The following CCDC179 variants were observed in gnomAD, a reference collection of about 807,000 sequenced individuals.
CCDC179 encodes the protein coiled-coil domain containing 179, also known as coiled-coil domain-containing protein 179.
In CCDC179, 17 loss-of-function variants were observed where a neutral mutation model predicts 12.0. The ratio of observed to expected loss-of-function variants is 1.42; its 90% CI spans 0.97 to 2.13. The LOEUF is 2.13. Ranked by LOEUF, CCDC179 falls within the 30% of genes most tolerant of loss-of-function variation. The pLI, the probability that CCDC179 is intolerant of heterozygous loss-of-function variation, is 0.00. For missense variants in CCDC179, 83 were observed against 78.6 expected, an observed-to-expected ratio of 1.06 and a Z score of -0.21; for synonymous variants, 27 against 26.4, an observed-to-expected ratio of 1.02 and a Z score of -0.07.
intron 3 of CCDC179, among the ~76,000 whole-genome samples, chr11:22,853,351 T>C (rs1858456502): frequency 6.6e-6 from 1 of 152,128 alleles, no homozygotes; most frequent in Admixed American, 6.5e-5. Context: ...ATGACAAATA[T>C]GCTAAGTTCT....
chr11:22,850,304 G>A (rs1234863880), intron 3 of CCDC179, among the ~76,000 whole-genome samples: 1 of 152,148 alleles, frequency 6.6e-6, no homozygotes, highest in African/African-American at 2.4e-5. Context: ...CTTACTATCT[G>A]CCTAAGTAAT....
At chr11:22,853,524 T>C (rs1858461272) in intron 3 of CCDC179, among the ~76,000 whole-genome samples, 1 of 151,882 alleles carries the variant, frequency 6.6e-6, no homozygotes, top group African/African-American at 2.4e-5. Context: ...GGAAAAAAAC[T>C]AATTAGCTTA....
In CCDC179 at chr11:22,847,482, G is replaced by T; in HGVS notation, c.*28C>A. 1 of 1,403,830 alleles carries T rather than the reference G, an allele frequency of 7.1e-7. No individual in the cohort carries two copies. The highest frequency in any genetic ancestry group is 9.5e-7 in the Non-Finnish European group (1 of 1,054,534). The allele number at this position is 1,403,830 out of a possible 1,614,324, so 87.0% of individuals were successfully genotyped here. A position where few individuals can be genotyped will look rare whatever the true frequency, so the allele number is the denominator to read the frequency against. ...ATCCACATATTTCTGTCTGGAGCAT[G>T]GTTTCCTTCAAATAGACTCCTGCTT... On this transcript the variant is annotated 3_prime_UTR_variant, in exon 4 of 4. Coordinates refer to ENST00000532798, the MANE Select transcript of CCDC179 (RefSeq NM_001195637.2).
chr11:22,853,658 AAAAG>A lies in CCDC179; in HGVS notation c.195+4260_195+4263del, dbSNP rs200530862. On this transcript the variant is annotated intron_variant, in intron 3 of 3. Coordinates refer to ENST00000532798, the MANE Select transcript of CCDC179 (RefSeq NM_001195637.2). ...GTATAAATATGTACAATTGGAAAAA[AAAAG>A]AAGGAAGGAGGAGAGGAAGAGGAAA... Among the ~76,000 whole-genome samples, 1,643 of 151,820 alleles carry A rather than the reference AAAAG, an allele frequency of 0.011. 54 individuals are homozygous for A. The East Asian group carries it at 0.12, about 11-fold the overall frequency.
chr11:22,849,641 G>A (rs1398600812), intron 3 of CCDC179, among the ~76,000 whole-genome samples: 3 of 152,082 alleles, frequency 2.0e-5, no homozygotes, highest in Non-Finnish European at 4.4e-5. Context: ...TATACCCAAC[G>A]TATAGTCTTT....
At chr11:22,855,863 A>G (rs758171519) in intron 3 of CCDC179, among the ~76,000 whole-genome samples, 6 of 151,430 alleles carry the variant, frequency 4.0e-5, no homozygotes, top group Non-Finnish European at 7.4e-5. Context: ...TGCCAATCCC[A>G]TGAACATTAA....
chr11:22,850,948 A>G (rs1229312822), intron 3 of CCDC179, among the ~76,000 whole-genome samples: 1 of 9,504 alleles, frequency 1.1e-4, no homozygotes, highest in African/African-American at 2.8e-4. Context: ...GGCTATATAT[A>G]TATATATATA....
chr11:22,860,067 C>T (rs952637741), intron 1 of CCDC179, among the ~76,000 whole-genome samples: 1 of 152,200 alleles, frequency 6.6e-6, no homozygotes, highest in Non-Finnish European at 1.5e-5. Context: ...CCACATCTGG[C>T]AATTGAGAAC....
chr11:22,850,671 T>G (rs1382164814), intron 3 of CCDC179, among the ~76,000 whole-genome samples: 1 of 151,886 alleles, frequency 6.6e-6, no homozygotes, highest in Admixed American at 6.6e-5. Context: ...CTTTTGAAAT[T>G]AAAAACCTTA....
rs140407979 is a variant in CCDC179 at position 22,856,287 on chromosome 11, T to G, written c.195+1635A>C. Among the ~76,000 whole-genome samples the G allele has an allele frequency of 1.6e-4, 25 of 151,574 alleles. 1 individual carries two copies. The East Asian group carries it at 3.5e-3, about 21-fold the overall frequency. On this transcript the variant is annotated intron_variant, in intron 3 of 3. Transcript: ENST00000532798. ...AATTCTCAACAAAATATTAGCAAAT[T>G]GATCCAAACATGTGTAAAAATAATT...
intron 3 of CCDC179, among the ~76,000 whole-genome samples, chr11:22,855,707 T>A (rs1440155086): frequency 6.6e-6 from 1 of 151,314 alleles, no homozygotes. Context: ...AGAGCAGAAA[T>A]CTGTGAAATT....
At position 22,859,363 on chromosome 11, in the gene CCDC179, T is replaced by A. The variant is rs368902401; in HGVS notation, c.90+89A>T. The A allele has an allele frequency of 5.2e-5, 41 of 788,990 alleles. 1 individual carries two copies. The African/African-American group carries it at 5.6e-4, about 11-fold the overall frequency. 48.9% of individuals were successfully genotyped at this position (788,990 alleles called of 1,614,324 possible). ...ACTGAAGTGTCTACTTAATACAAGT[T>A]CTATTATGTTAGGGACCACTACATA... On this transcript the variant is annotated intron_variant, in intron 2 of 3. Transcript: ENST00000532798.
At chr11:22,854,972 G>A (rs1294109761) in intron 3 of CCDC179, among the ~76,000 whole-genome samples, 1 of 151,658 alleles carries the variant, frequency 6.6e-6, no homozygotes, top group African/African-American at 2.4e-5. Context: ...ATGATAAAGA[G>A]GGACATTACA....
chr11:22,850,336 A>G (rs1012799701), intron 3 of CCDC179, among the ~76,000 whole-genome samples: 15 of 152,236 alleles, frequency 9.9e-5, no homozygotes, highest in African/African-American at 3.4e-4. Context: ...TCCTGTATCA[A>G]GAACACATGA....
chr11:22,849,706 A>G (rs887601928), intron 3 of CCDC179, among the ~76,000 whole-genome samples: 3 of 152,132 alleles, frequency 2.0e-5, no homozygotes, highest in South Asian at 2.1e-4. Flanking sequence ...CCATTATATC[A>G]TTCTTATGCC....
rs1423821704 is a variant in CCDC179 at position 22,850,989 on chromosome 11, TTTTTTTTTTTTG to T, written c.196-3480_196-3469del. On this transcript the variant is annotated intron_variant, in intron 3 of 3. Coordinates refer to ENST00000532798, the MANE Select transcript of CCDC179 (RefSeq NM_001195637.2). Reference sequence around the variant, plus strand: ...ATATATATATATATTTTTTTTTTTTTTTTTTTTTTTTGCTGAGATGGAGTCTTGCTCTGTCAC... The same window carrying T: ...ATATATATATATATTTTTTTTTTTTTCTGAGATGGAGTCTTGCTCTGTCAC... Among the ~76,000 whole-genome samples, 5 of 76,360 alleles carry T rather than the reference TTTTTTTTTTTTG, an allele frequency of 6.5e-5. 1 individual carries two copies. Among genetic ancestry groups the T allele is most frequent in the Non-Finnish European group, 1.1e-4 (4 of 35,548 alleles). The allele number at this position is 76,360 out of a possible 152,430, so 50.1% of individuals were successfully genotyped here. A position where few individuals can be genotyped will look rare whatever the true frequency, so the allele number is the denominator to read the frequency against.
chr11:22,855,519 A>G (rs1858512598), intron 3 of CCDC179, among the ~76,000 whole-genome samples: 1 of 151,566 alleles, frequency 6.6e-6, no homozygotes, highest in African/African-American at 2.4e-5. Flanking sequence ...CGAAAATATG[A>G]TTTATTAAAA....
At chr11:22,858,543 C>CTT (rs35003359) in intron 2 of CCDC179, among the ~76,000 whole-genome samples, 1 of 151,604 alleles carries the variant, frequency 6.6e-6, no homozygotes, top group Non-Finnish European at 1.5e-5. Flanking sequence ...ATAACAATAA[C>CTT]TTTTTTATCC....
chr11:22,856,654 T>C (rs1054488046), intron 3 of CCDC179, among the ~76,000 whole-genome samples: 1 of 151,586 alleles, frequency 6.6e-6, no homozygotes, highest in African/African-American at 2.4e-5. Context: ...AAGACATAGC[T>C]AATGCAGTAA....
Sources: gnomAD v4.1 joint callset for allele counts (sites outside exome capture counted in the v4.1 genomes callset) on GRCh38, gnomAD v4.1.1 for gene constraint, MANE v1.5 for transcripts, NCBI Gene and HGNC (gene_info 2026-07-23, HGNC 2026-07-21) for gene names.